Variants in SEPTIN6 observed in about 807,000 individuals in gnomAD.
The protein encoded by SEPTIN6 is septin-6.
In SEPTIN6, 8 loss-of-function variants were observed where a neutral mutation model predicts 33.6. The ratio of observed to expected loss-of-function variants is 0.24; its 90% CI spans 0.14 to 0.43. The LOEUF is 0.43. SEPTIN6 is among the 20% of genes least tolerant of loss of function. The pLI, the probability that SEPTIN6 is intolerant of heterozygous loss-of-function variation, is 1.00. For missense variants in SEPTIN6, 250 were observed against 340.8 expected (o/e 0.73, Z 2.10); for synonymous variants, 131 against 140.0 (o/e 0.94, Z 0.45).
chrX:119,689,546 G>A (rs201831875), intron 1 of SEPTIN6, among the ~76,000 whole-genome samples: 1 of 111,941 alleles, frequency 8.9e-6, no homozygotes, highest in East Asian at 2.8e-4. Flanking sequence ...GAGTGTAGTG[G>A]CACGATCTCG....
chrX:119,682,000 G>A (rs1297204451), intron 1 of SEPTIN6, among the ~76,000 whole-genome samples: 1 of 110,705 alleles, frequency 9.0e-6, no homozygotes, highest in African/African-American at 3.3e-5. Flanking sequence ...TTGTGCCACT[G>A]CACTCCAGCC....
intron 3 of SEPTIN6, 62 bp from the exon 4 acceptor site, chrX:119,653,102 T>C (rs1202160186): frequency 1.1e-6 from 1 of 932,223 alleles, no homozygotes; most frequent in Non-Finnish European, 1.5e-6. Context: ...GACACCGTCC[T>C]TTTTGGAAGT....
intron 3 of SEPTIN6, among the ~76,000 whole-genome samples, chrX:119,661,269 CA>C (rs749175712): frequency 6.1e-4 from 56 of 91,305 alleles, no homozygotes; most frequent in Admixed American, 7.4e-4. Flanking sequence ...ACTAAAAATA[CA>C]AAAAAAAAAA....
At chrX:119,643,644 C>T (rs572020405) in intron 5 of SEPTIN6, among the ~76,000 whole-genome samples, 4 of 111,438 alleles carry the variant, frequency 3.6e-5, no homozygotes, top group African/African-American at 1.3e-4. Context: ...TTTCCCAGCG[C>T]TCTCCTTTGG....
intron 10 of SEPTIN6, among the ~76,000 whole-genome samples, chrX:119,621,446 G>GGTGT (rs34517524): frequency 0.045 from 2,861 of 63,444 alleles, 127 homozygotes; most frequent in Admixed American, 0.11. Flanking sequence ...GCCCAGAGCT[G>GGTGT]GTGTGTGTGT....
At chrX:119,638,537 G>T (rs2054104506) in intron 6 of SEPTIN6, among the ~76,000 whole-genome samples, 1 of 111,778 alleles carries the variant, frequency 8.9e-6, no homozygotes, top group African/African-American at 3.3e-5. Flanking sequence ...GAAGAGGGTA[G>T]TGAGGGCAGA....
At chrX:119,684,902 C>A (rs2055030305) in intron 1 of SEPTIN6, among the ~76,000 whole-genome samples, 1 of 111,691 alleles carries the variant, frequency 9.0e-6, no homozygotes, top group South Asian at 3.7e-4. Flanking sequence ...AGTAGCAATG[C>A]CCTATCCTGG....
rs1158307238 is a variant in SEPTIN6, at chrX:119,693,149, G to C, written c.-44C>G. 1 of 1,154,822 alleles carries C rather than the reference G, an allele frequency of 8.7e-7. No homozygotes were observed. The highest frequency in any genetic ancestry group is 1.2e-6 in the Non-Finnish European group (1 of 861,340). On this transcript the variant is annotated 5_prime_UTR_variant, in exon 1 of 11. Coordinates refer to ENST00000394610, the MANE Select transcript of SEPTIN6 (RefSeq NM_145799.4). ...GGCTGCCACGGGTGCCGCCGCAACGGGAGCTACTGCACAGGAAACAGAGGA... is the reference window on the plus strand; with the variant it reads ...GGCTGCCACGGGTGCCGCCGCAACGCGAGCTACTGCACAGGAAACAGAGGA...
intron 1 of SEPTIN6, among the ~76,000 whole-genome samples, chrX:119,686,331 C>T (rs1371162764): frequency 9.0e-6 from 1 of 111,698 alleles, no homozygotes; most frequent in Non-Finnish European, 1.9e-5. Context: ...TCATCAGGGC[C>T]AGGAAAACAG....
Position 119,619,971 on chromosome X carries a change from C to A in SEPTIN6, c.*122G>T. On this transcript the variant is annotated 3_prime_UTR_variant, in exon 11 of 11. Transcript: ENST00000394610. ...GGGCGCGGGTTGGATTGTATGCCCC[C>A]CAGGCATGTTAAGGGGGAAATTAGA... 1.7e-6 allele frequency: 2 copies of A among 1,200,195 alleles called. No homozygotes were observed. The highest frequency in any genetic ancestry group is 2.2e-6 in the Non-Finnish European group (2 of 891,577).
intron 10 of SEPTIN6, among the ~76,000 whole-genome samples, chrX:119,621,743 C>T (rs368573763): frequency 9.4e-6 from 1 of 106,616 alleles, no homozygotes; most frequent in East Asian, 2.9e-4. Context: ...CCTCCTGCCT[C>T]GGCCTTCCAA....
At position 119,633,229 on chromosome X, in the gene SEPTIN6, C is replaced by G. The variant is rs1197420049; in HGVS notation, c.1089+131G>C. ...TGATTCTAGGTCTTTGAGGAATCACCACACTGTCTTCCACAGTGGTTGAAG... is the reference window on the plus strand; with the variant it reads ...TGATTCTAGGTCTTTGAGGAATCACGACACTGTCTTCCACAGTGGTTGAAG... On this transcript the variant is annotated intron_variant, in intron 8 of 10. Coordinates refer to ENST00000394610, the MANE Select transcript of SEPTIN6 (RefSeq NM_145799.4). 7.2e-5 allele frequency: 43 copies of G among 598,785 alleles called. No individual in the cohort carries two copies. In the South Asian group the frequency reaches 1.5e-3, roughly 21 times the overall value. The allele number at this position is 598,785 out of a possible 1,213,427, so 49.3% of individuals were successfully genotyped here. A position where few individuals can be genotyped will look rare whatever the true frequency, so the allele number is the denominator to read the frequency against.
chrX:119,625,544 CT>C (rs745338582), intron 9 of SEPTIN6, 165 bp from the exon 10 acceptor site: 42,444 of 308,998 alleles, frequency 0.14, 3 homozygotes, highest in East Asian at 0.18. Flanking sequence ...CACTGATACT[CT>C]TTTTTTTTTT....
chrX:119,681,167 T>C (rs1255569754), intron 1 of SEPTIN6, among the ~76,000 whole-genome samples: 1 of 110,584 alleles, frequency 9.0e-6, no homozygotes, highest in East Asian at 2.8e-4. Flanking sequence ...TTGAACTGAA[T>C]GTACACTGAC....
chrX:119,629,251 C>T (rs762381913), intron 9 of SEPTIN6, 67 bp downstream of exon 9: 34 of 1,095,951 alleles, frequency 3.1e-5, no homozygotes, highest in Non-Finnish European at 4.0e-5. Flanking sequence ...TCAGGTGCCA[C>T]GTCCTGCCCT....
intron 8 of SEPTIN6, among the ~76,000 whole-genome samples, 159 bp from the exon 9 acceptor site, chrX:119,629,667 C>T (rs2053925538): frequency 9.0e-6 from 1 of 111,238 alleles, no homozygotes; most frequent in African/African-American, 3.3e-5. Context: ...GCACCAAAGG[C>T]ACCATGCTCT....
chrX:119,674,237 G>A (rs1335904415), intron 2 of SEPTIN6, among the ~76,000 whole-genome samples: 3 of 109,137 alleles, frequency 2.7e-5, no homozygotes, highest in Middle Eastern at 4.7e-3. Flanking sequence ...GCAGTGGCGC[G>A]ATCTGAGCTC....
At chrX:119,676,870 G>T (rs745757130) in intron 1 of SEPTIN6, among the ~76,000 whole-genome samples, 1 of 112,020 alleles carries the variant, frequency 8.9e-6, no homozygotes, top group Non-Finnish European at 1.9e-5. Context: ...AATCTGGCAG[G>T]TGTTAGTTAC....
chrX:119,640,271 G>A (rs1388421957), intron 6 of SEPTIN6, among the ~76,000 whole-genome samples: 5 of 104,529 alleles, frequency 4.8e-5, no homozygotes, highest in Admixed American at 1.1e-4. Flanking sequence ...CGCCCGCCTC[G>A]GCCTCCCAAA....
Sources: gnomAD v4.1 joint callset for allele counts (sites outside exome capture counted in the v4.1 genomes callset) on GRCh38, gnomAD v4.1.1 for gene constraint, MANE v1.5 for transcripts, NCBI Gene and HGNC (gene_info 2026-07-23, HGNC 2026-07-21) for gene names.